KHDRBS2: variants seen among roughly 807,000 people sequenced by gnomAD.
KHDRBS2 encodes the protein KH domain-containing, RNA-binding, signal transduction-associated protein 2.
KHDRBS2 carries 26 observed loss-of-function variants against 44.3 expected under a neutral mutation model. The observed-to-expected ratio is 0.59, with a 90% CI of 0.43 to 0.81. KHDRBS2 has a LOEUF of 0.81. KHDRBS2 is among the 40% of genes least tolerant of loss of function. The pLI is 0.00. For missense variants in KHDRBS2, 476 were observed against 433.1 expected (o/e 1.10, Z -0.88); for synonymous variants, 194 against 151.1 (o/e 1.28, Z -2.08).
At chr6:61,701,550 C>A (rs1768664524) in intron 7 of KHDRBS2, among the ~76,000 whole-genome samples, 1 of 151,914 alleles carries the variant, frequency 6.6e-6, no homozygotes, top group African/African-American at 2.4e-5. Context: ...CCAAGGAGGG[C>A]ATACTCTACT....
chr6:61,978,951 T>TA (rs2068976252), intron 3 of KHDRBS2, among the ~76,000 whole-genome samples: 1 of 152,222 alleles, frequency 6.6e-6, no homozygotes, highest in African/African-American at 2.4e-5. Flanking sequence ...GCAAAAACCA[T>TA]AATTGCTTTT....
chr6:61,563,190 T>A, the KHDRBS2 span, among the ~76,000 whole-genome samples: 1 of 152,150 alleles, frequency 6.6e-6, no homozygotes, highest in Admixed American at 6.6e-5. Flanking sequence ...TGTTTTCAGG[T>A]TTGGTCCGAA....
At chr6:62,271,876 AATTT>A (rs957006909) in intron 1 of KHDRBS2, among the ~76,000 whole-genome samples, 122 of 152,318 alleles carry the variant, frequency 8.0e-4, no homozygotes, top group African/African-American at 1.9e-3. Flanking sequence ...GTTAGCCATT[AATTT>A]ATTATTGAAT....
intron 6 of KHDRBS2, among the ~76,000 whole-genome samples, chr6:61,887,420 C>A (rs187545859): frequency 6.6e-6 from 1 of 152,056 alleles, no homozygotes; most frequent in East Asian, 1.9e-4. Context: ...TAAATTTACT[C>A]GTCTTAGCAG....
intron 1 of KHDRBS2, among the ~76,000 whole-genome samples, chr6:62,184,289 G>A (rs1032981303): frequency 8.6e-5 from 13 of 151,486 alleles, no homozygotes; most frequent in African/African-American, 2.4e-4. Context: ...ACAAGGAAAC[G>A]ACTTTGCACA....
At chr6:61,760,385 C>A (rs376857232) in intron 6 of KHDRBS2, among the ~76,000 whole-genome samples, 1 of 152,172 alleles carries the variant, frequency 6.6e-6, no homozygotes, top group Non-Finnish European at 1.5e-5. Flanking sequence ...GCAATCCCAG[C>A]ACTTTGGGAG....
At chr6:61,932,809 A>G (rs1406280738) in intron 4 of KHDRBS2, among the ~76,000 whole-genome samples, 1 of 152,068 alleles carries the variant, frequency 6.6e-6, no homozygotes, top group Non-Finnish European at 1.5e-5. Flanking sequence ...AAAATAAAAA[A>G]TAAGAGTGAA....
At chr6:62,059,042 A>C (rs1417653068) in intron 2 of KHDRBS2, among the ~76,000 whole-genome samples, 1 of 151,612 alleles carries the variant, frequency 6.6e-6, no homozygotes, top group Non-Finnish European at 1.5e-5. Context: ...TACCTCTTTC[A>C]GAAAACTTAG....
intron 4 of KHDRBS2, among the ~76,000 whole-genome samples, chr6:61,949,936 A>G (rs1583684906): frequency 6.6e-6 from 1 of 152,104 alleles, no homozygotes; most frequent in Non-Finnish European, 1.5e-5. Flanking sequence ...TTGAAAATGA[A>G]ATTTTTTATT....
chr6:61,555,698 T>C, the KHDRBS2 span, among the ~76,000 whole-genome samples: 1 of 152,346 alleles, frequency 6.6e-6, no homozygotes, highest in Non-Finnish European at 1.5e-5. Context: ...CGCTTGCTTG[T>C]ATCTTCTTTG....
At chr6:61,738,453 C>G (rs542826658) in intron 6 of KHDRBS2, among the ~76,000 whole-genome samples, 1 of 151,874 alleles carries the variant, frequency 6.6e-6, no homozygotes, top group South Asian at 2.1e-4. Flanking sequence ...TGAGACAAGT[C>G]CTTATAGGAT....
intron 2 of KHDRBS2, among the ~76,000 whole-genome samples, chr6:62,064,911 C>A (rs1021749588): frequency 1.9e-4 from 28 of 150,618 alleles, no homozygotes; most frequent in Non-Finnish European, 3.9e-4. Context: ...CCAGAATCTA[C>A]AATGAACTCA....
intron 5 of KHDRBS2, among the ~76,000 whole-genome samples, chr6:61,900,126 AT>A (rs1803698779): frequency 2.0e-5 from 3 of 152,014 alleles, no homozygotes; most frequent in Admixed American, 2.0e-4. Flanking sequence ...GTGAAATAGA[AT>A]TTCCAGAATT....
At chr6:61,761,871 C>A (rs1779319590) in intron 6 of KHDRBS2, among the ~76,000 whole-genome samples, 1 of 152,100 alleles carries the variant, frequency 6.6e-6, no homozygotes, top group African/African-American at 2.4e-5. Flanking sequence ...CTAATTCATT[C>A]TTTTCAGGTT....
the KHDRBS2 span, among the ~76,000 whole-genome samples, chr6:61,648,546 C>A: frequency 1.3e-5 from 2 of 151,960 alleles, no homozygotes; most frequent in Admixed American, 1.3e-4. Context: ...CTAGATTCCT[C>A]GAATTTAGAG....
chr6:61,768,855 T>C (rs1017371017), intron 6 of KHDRBS2, among the ~76,000 whole-genome samples: 3 of 152,112 alleles, frequency 2.0e-5, no homozygotes, highest in Non-Finnish European at 2.9e-5. Context: ...AAACAGTTGT[T>C]CAATTTGGTG....
At chr6:61,739,064 C>G (rs577617404) in intron 6 of KHDRBS2, among the ~76,000 whole-genome samples, 95 of 151,902 alleles carry the variant, frequency 6.3e-4, no homozygotes, top group African/African-American at 2.1e-3. Context: ...TTCATTAAAC[C>G]TTTTACTGAC....
At chr6:61,608,758 G>A in the KHDRBS2 span, among the ~76,000 whole-genome samples, 22 of 152,074 alleles carry the variant, frequency 1.4e-4, no homozygotes, top group African/African-American at 5.3e-4. Flanking sequence ...TCCCTGAAAA[G>A]GACATGAACT....
intron 6 of KHDRBS2, among the ~76,000 whole-genome samples, chr6:61,885,858 TC>T (rs1800876168): frequency 6.6e-6 from 1 of 152,074 alleles, no homozygotes; most frequent in Non-Finnish European, 1.5e-5. Flanking sequence ...TGTCCACCCC[TC>T]CCCACTATGG....
Sources: gnomAD v4.1 joint callset for allele counts (sites outside exome capture counted in the v4.1 genomes callset) on GRCh38, gnomAD v4.1.1 for gene constraint, MANE v1.5 for transcripts, NCBI Gene and HGNC (gene_info 2026-07-23, HGNC 2026-07-21) for gene names.